QTMAN: variants seen among roughly 807,000 people sequenced by gnomAD.
QTMAN encodes queuosine-tRNA mannosyltransferase, also known as tRNA-queuosine alpha-mannosyltransferase.
At chr2:144,175,430 A>T in the QTMAN span, among the ~76,000 whole-genome samples, 19 of 152,154 alleles carry the variant, frequency 1.2e-4, no homozygotes, top group Non-Finnish European at 2.4e-4. Flanking sequence ...GAGGAAGTAG[A>T]GAATCTAAAA....
chr2:144,173,377 C>G, the QTMAN span, among the ~76,000 whole-genome samples: 1 of 152,202 alleles, frequency 6.6e-6, no homozygotes, highest in East Asian at 1.9e-4. Context: ...ATCACCTTGC[C>G]AAGCAAGGAG....
the QTMAN span, among the ~76,000 whole-genome samples, chr2:144,171,324 C>T: frequency 1.3e-5 from 2 of 152,144 alleles, no homozygotes; most frequent in Admixed American, 1.3e-4. Context: ...CCCAATTGTA[C>T]TCTGGACCTT....
At chr2:143,951,617 A>G in the QTMAN span, among the ~76,000 whole-genome samples, 1,639 of 151,670 alleles carry the variant, frequency 0.011, 10 homozygotes, top group Middle Eastern at 0.02. Context: ...TATGATGGGA[A>G]GAAAGGCTTA....
chr2:144,017,030 G>C, the QTMAN span, among the ~76,000 whole-genome samples: 2 of 151,132 alleles, frequency 1.3e-5, no homozygotes, highest in Admixed American at 1.3e-4. Context: ...TTTTGAGACA[G>C]AGTCTCACTC....
chr2:144,107,154 G>A, the QTMAN span, among the ~76,000 whole-genome samples: 2 of 152,194 alleles, frequency 1.3e-5, no homozygotes, highest in African/African-American at 4.8e-5. Flanking sequence ...AGAGAAAGCA[G>A]GAAAGATCTA....
the QTMAN span, among the ~76,000 whole-genome samples, chr2:144,010,385 G>T: frequency 6.6e-6 from 1 of 152,030 alleles, no homozygotes. Context: ...TAGTGAATAG[G>T]GACATGGAAA....
the QTMAN span, among the ~76,000 whole-genome samples, chr2:144,279,038 T>C: frequency 6.6e-6 from 1 of 152,204 alleles, no homozygotes; most frequent in Admixed American, 6.5e-5. Context: ...CAAAGATTAC[T>C]GCTCAAGTCA....
the QTMAN span, among the ~76,000 whole-genome samples, chr2:144,296,564 C>T: frequency 6.6e-6 from 1 of 152,110 alleles, no homozygotes; most frequent in East Asian, 1.9e-4. Flanking sequence ...AGCTAATACA[C>T]AAAGTATTTC....
the QTMAN span, among the ~76,000 whole-genome samples, chr2:144,262,562 GC>G: frequency 1.6e-5 from 1 of 64,344 alleles, no homozygotes; most frequent in Admixed American, 2.0e-4. Context: ...AGAGCAAGAT[GC>G]TGTCTCAAAA....
At chr2:143,970,839 T>A in the QTMAN span, 1 of 798,528 alleles carries the variant, frequency 1.3e-6, no homozygotes, top group Non-Finnish European at 2.2e-6. Context: ...CTTCCTACAG[T>A]ATCAATTTTT....
At chr2:144,241,048 CAG>C in the QTMAN span, among the ~76,000 whole-genome samples, 1 of 152,180 alleles carries the variant, frequency 6.6e-6, no homozygotes, top group Non-Finnish European at 1.5e-5. Context: ...AGACACTACT[CAG>C]GGTGATTTCT....
At chr2:144,110,949 C>T in the QTMAN span, among the ~76,000 whole-genome samples, 1 of 152,098 alleles carries the variant, frequency 6.6e-6, no homozygotes, top group Non-Finnish European at 1.5e-5. Flanking sequence ...TGCTTGGATT[C>T]CTAGGGGAAC....
the QTMAN span, among the ~76,000 whole-genome samples, chr2:144,141,311 A>G: frequency 2.0e-5 from 3 of 152,050 alleles, no homozygotes; most frequent in East Asian, 3.9e-4. Flanking sequence ...TGGGCCCAGC[A>G]GCAAGGGTAA....
the QTMAN span, among the ~76,000 whole-genome samples, chr2:144,126,739 GT>G: frequency 6.6e-6 from 1 of 151,908 alleles, no homozygotes; most frequent in African/African-American, 2.4e-5. Flanking sequence ...TTAAGTGGGG[GT>G]TTACTGTACT....
the QTMAN span, among the ~76,000 whole-genome samples, chr2:144,199,432 T>G: frequency 1.3e-5 from 2 of 152,162 alleles, no homozygotes; most frequent in Non-Finnish European, 2.9e-5. Context: ...CATGAGTATA[T>G]AGTATACATA....
At chr2:144,324,663 C>A in the QTMAN span, among the ~76,000 whole-genome samples, 2 of 152,174 alleles carry the variant, frequency 1.3e-5, no homozygotes, top group Non-Finnish European at 2.9e-5. Flanking sequence ...TTGCTGATAT[C>A]ATACCCACCT....
the QTMAN span, among the ~76,000 whole-genome samples, chr2:144,249,845 A>T: frequency 1.9e-4 from 29 of 152,344 alleles, no homozygotes; most frequent in South Asian, 4.8e-3. Flanking sequence ...ATAATAAAAC[A>T]TAAGGTTTAT....
chr2:144,118,972 T>C, the QTMAN span, among the ~76,000 whole-genome samples: 1 of 152,190 alleles, frequency 6.6e-6, no homozygotes, highest in Non-Finnish European at 1.5e-5. Flanking sequence ...TCCCCAGAAC[T>C]TACTCAGGGT....
chr2:144,200,027 T>C, the QTMAN span, among the ~76,000 whole-genome samples: 4 of 152,204 alleles, frequency 2.6e-5, no homozygotes, highest in Non-Finnish European at 4.4e-5. Flanking sequence ...TTTATGTATA[T>C]ATACAATTTA....
Sources: allele counts gnomAD v4.1 joint callset (sites outside exome capture counted in the v4.1 genomes callset), GRCh38; gene constraint gnomAD v4.1.1; transcripts MANE v1.5; gene names NCBI Gene and HGNC (gene_info 2026-07-23, HGNC 2026-07-21).